The following SSC4D variants were observed in gnomAD, a reference collection of about 807,000 sequenced individuals.
SSC4D encodes the protein scavenger receptor cysteine-rich domain-containing group B protein.
Under a neutral mutation model 63.4 loss-of-function variants are expected in SSC4D, and 57 were observed. The observed-to-expected ratio is 0.90, with a 90% CI of 0.73 to 1.12. The LOEUF (loss-of-function observed/expected upper bound fraction) is 1.12, where lower values mean the gene tolerates loss of function less well. Among genes scored for constraint, SSC4D ranks in the 50% most tolerant of loss-of-function variants. The pLI, the probability that SSC4D is intolerant of heterozygous loss-of-function variation, is 0.00. For synonymous variants in SSC4D, 352 were observed against 345.4 expected, an observed-to-expected ratio of 1.02 and a Z score of -0.21; for missense variants, 791 against 806.4, an observed-to-expected ratio of 0.98 and a Z score of 0.23.
intron 7 of SSC4D, among the ~76,000 whole-genome samples, chr7:76,394,777 T>A (rs1431789740): frequency 7.0e-6 from 1 of 143,422 alleles, no homozygotes; most frequent in African/African-American, 2.6e-5. Flanking sequence ...ATAAAATATG[T>A]ATAATATATA....
In SSC4D at chr7:76,400,308, C is replaced by T. The variant is rs367686256; in HGVS notation, c.453G>A (p.Glu151=). Residue 151 remains glutamate (E), a synonymous_variant, in exon 4 of 11, where the codon GAG becomes GAA. Transcript: ENST00000275560. ...CACCATCACACAGGACAGCCACATC[C>T]TCGTAGTGAAAGCAATTGTGGACGC... ...GWGVHNCFHY[E]DVAVLCDEFL... is the part of the protein sequence containing the mutation. 3.3e-6 allele frequency: 5 copies of T among 1,501,566 alleles called. No homozygotes were observed. In the Admixed American group the frequency reaches 1.1e-4, roughly 34 times the overall value. The allele number at this position is 1,501,566 out of a possible 1,614,324, so 93.0% of individuals were successfully genotyped here.
rs1261169711 is a variant in SSC4D at position 76,399,964 on chromosome 7, C to T, written c.475+322G>A. The stretch of plus-strand genomic sequence containing the variant: ...TATGATCACACCACTGCACTCTGGT[C>T]GGGACCAAACAGTGAGACCTCATCT... On this transcript the variant is annotated intron_variant, in intron 4 of 10. Coordinates refer to ENST00000275560, the MANE Select transcript of SSC4D (RefSeq NM_080744.2). Among the ~76,000 whole-genome samples the T allele has an allele frequency of 3.3e-5, 5 of 152,064 alleles. 1 individual carries two copies. The highest frequency in any genetic ancestry group is 1.3e-4 in the Admixed American group (2 of 15,248).
Position 76,393,371 on chromosome 7 carries a change from CCGCTGTCAGCCTCACCTT to C in SSC4D, c.1333+16_1333+33del, listed in dbSNP as rs747376954. On this transcript the variant is annotated intron_variant, in intron 9 of 10. Coordinates refer to ENST00000275560, the MANE Select transcript of SSC4D (RefSeq NM_080744.2). ...CCCTCCCACGCCGCAGTGCGCGGCC[CCGCTGTCAGCCTCACCTT>C]CGCTGTCAGCCTCACCTGCGCAGAG... 8.9e-3 allele frequency: 11,918 copies of C among 1,337,584 alleles called. 96 individuals carry two copies. Among genetic ancestry groups the C allele is most frequent in the Middle Eastern group, 0.014 (50 of 3,526 alleles). The allele number at this position is 1,337,584 out of a possible 1,614,324, so 82.9% of individuals were successfully genotyped here. A position where few individuals can be genotyped will look rare whatever the true frequency, so the allele number is the denominator to read the frequency against.
Position 76,397,502 on chromosome 7 carries a change from C to A in SSC4D, c.868+16G>T. ...CCACCTGCCCCGGCCCCGCCCATCG[C>A]CCCTAGAGCCCGCACCTGCGCAGAG... On this transcript the variant is annotated intron_variant, in intron 6 of 10. Transcript: ENST00000275560. The A allele has an allele frequency of 6.7e-7, 1 of 1,499,222 alleles. No homozygotes were observed. The highest frequency in any genetic ancestry group is 1.3e-5 in the South Asian group (1 of 76,218). 92.9% of individuals were successfully genotyped at this position (1,499,222 alleles called of 1,614,324 possible). A position where few individuals can be genotyped will look rare whatever the true frequency, so the allele number is the denominator to read the frequency against.
At chr7:76,398,992 C>T (rs1049019777) in intron 4 of SSC4D, among the ~76,000 whole-genome samples, 195 bp from the exon 5 acceptor site, 21 of 152,096 alleles carry the variant, frequency 1.4e-4, no homozygotes, top group African/African-American at 4.3e-4. Flanking sequence ...CTCTAAAGCA[C>T]GGTTTTTGTT....
In SSC4D at chr7:76,392,053, A is replaced by G; in HGVS notation, c.1334-12T>C. ...CAGCTCCTCTGGGCCTGGTTCAGGA[A>G]GGACAGAGATAAAGAGGTGGCTCTC... On this transcript the variant is annotated splice_polypyrimidine_tract_variant and intron_variant, in intron 9 of 10. Coordinates refer to ENST00000275560, the MANE Select transcript of SSC4D (RefSeq NM_080744.2). 2 of 1,562,402 alleles carry G rather than the reference A, an allele frequency of 1.3e-6. No individual in the cohort carries two copies. Among genetic ancestry groups the G allele is most frequent in the Non-Finnish European group, 1.7e-6 (2 of 1,152,724 alleles).
intron 2 of SSC4D, among the ~76,000 whole-genome samples, chr7:76,403,365 T>G (rs1414031821): frequency 6.6e-6 from 1 of 151,944 alleles, no homozygotes; most frequent in Non-Finnish European, 1.5e-5. Flanking sequence ...TGAGACAGAG[T>G]CTCGCCCTGT....
intron 4 of SSC4D, among the ~76,000 whole-genome samples, chr7:76,399,550 T>C (rs1168045198): frequency 6.6e-6 from 1 of 152,006 alleles, no homozygotes; most frequent in African/African-American, 2.4e-5. Flanking sequence ...TTCTTTGTTT[T>C]TCGAGACAGG....
chr7:76,407,587 G>T (rs1007613973), intron 1 of SSC4D, among the ~76,000 whole-genome samples: 2 of 152,056 alleles, frequency 1.3e-5, no homozygotes, highest in African/African-American at 4.8e-5. Flanking sequence ...AAAACAATTA[G>T]CTGGGCATGG....
chr7:76,404,091 AT>A, intron 2 of SSC4D, among the ~76,000 whole-genome samples: 1 of 152,014 alleles, frequency 6.6e-6, no homozygotes, highest in Non-Finnish European at 1.5e-5. Context: ...CTAACTGCCC[AT>A]TCCATGGGTG....
chr7:76,398,854 G>A (rs1410116695), intron 4 of SSC4D, 57 bp from the exon 5 acceptor site: 21 of 1,583,352 alleles, frequency 1.3e-5, no homozygotes, highest in Admixed American at 3.4e-5. Flanking sequence ...CTCACACCAC[G>A]GGGTGTTTAA....
intron 1 of SSC4D, among the ~76,000 whole-genome samples, chr7:76,405,687 G>A (rs972697127): frequency 3.3e-5 from 5 of 151,984 alleles, no homozygotes; most frequent in African/African-American, 1.2e-4. Context: ...GACGGCAGAG[G>A]CAAAAGCTGG....
chr7:76,390,014 G>T lies in SSC4D; in HGVS notation c.*45C>A, dbSNP rs1198053889. 5.0e-5 allele frequency: 81 copies of T among 1,611,278 alleles called. No individual in the cohort carries two copies. The highest frequency in any genetic ancestry group is 6.8e-5 in the Non-Finnish European group (80 of 1,178,212). ...GAGGGCTTCCTGGAGGAGGAAGGGAGGTCACAGCTCCCAGAAGAAGAGGTG... is the reference window on the plus strand; with the variant it reads ...GAGGGCTTCCTGGAGGAGGAAGGGATGTCACAGCTCCCAGAAGAAGAGGTG... On this transcript the variant is annotated 3_prime_UTR_variant, in exon 11 of 11. Transcript: ENST00000275560.
chr7:76,399,684 A>G (rs1415342762), intron 4 of SSC4D, among the ~76,000 whole-genome samples: 2 of 151,526 alleles, frequency 1.3e-5, no homozygotes, highest in Admixed American at 6.6e-5. Context: ...CGCCCCCAAC[A>G]CCTTGCTAAT....
At chr7:76,397,411 CA>C in intron 6 of SSC4D, 106 bp downstream of exon 6, 2 of 1,358,088 alleles carry the variant, frequency 1.5e-6, no homozygotes, top group Non-Finnish European at 1.9e-6. Context: ...TCAAGACAGC[CA>C]AAACACCCTC....
intron 5 of SSC4D, among the ~76,000 whole-genome samples, 183 bp downstream of exon 5, chr7:76,398,537 T>G (rs1329719375): frequency 6.6e-6 from 1 of 151,544 alleles, no homozygotes; most frequent in Non-Finnish European, 1.5e-5. Flanking sequence ...GCTCCCAACC[T>G]CAAGTGATCC....
intron 1 of SSC4D, among the ~76,000 whole-genome samples, chr7:76,405,274 TATATATATATATATATA>T (rs1804964528): frequency 5.2e-4 from 11 of 21,248 alleles, no homozygotes; most frequent in African/African-American, 1.6e-3. Flanking sequence ...CAGCTAATTA[TATATATATATATATATA>T]TATATATATA....
At chr7:76,403,242 C>G (rs1369079910) in intron 2 of SSC4D, among the ~76,000 whole-genome samples, 1 of 152,166 alleles carries the variant, frequency 6.6e-6, no homozygotes, top group Non-Finnish European at 1.5e-5. Flanking sequence ...AATAATTCCT[C>G]ACTTGTGGTC....
chr7:76,396,044 G>C (rs1258472828), intron 6 of SSC4D, among the ~76,000 whole-genome samples: 1 of 152,270 alleles, frequency 6.6e-6, no homozygotes, highest in Non-Finnish European at 1.5e-5. Context: ...CAAGGGCCAT[G>C]CCCAGGGTTA....
Sources: allele counts gnomAD v4.1 joint callset (sites outside exome capture counted in the v4.1 genomes callset), GRCh38; gene constraint gnomAD v4.1.1; transcripts MANE v1.5; gene names NCBI Gene and HGNC (gene_info 2026-07-23, HGNC 2026-07-21).